The following ZBTB20 variants were observed in gnomAD, a reference collection of about 807,000 sequenced individuals.
ZBTB20 encodes the protein zinc finger and BTB domain-containing protein 20.
In ZBTB20, 9 loss-of-function variants were observed where a neutral mutation model predicts 56.9. The observed-to-expected ratio is 0.16, with a 90% CI of 0.10 to 0.28. The LOEUF is 0.28. Among genes scored for constraint, ZBTB20 ranks in the 10% least tolerant of loss-of-function variants. ZBTB20 has a pLI of 1.00. For missense variants in ZBTB20, 655 were observed against 1,003.0 expected (o/e 0.65, Z 4.69); for synonymous variants, 417 against 420.7 (o/e 0.99, Z 0.11).
chr3:114,909,677 G>A (rs1010542315), intron 3 of ZBTB20, among the ~76,000 whole-genome samples: 10 of 151,788 alleles, frequency 6.6e-5, no homozygotes, highest in South Asian at 2.1e-4. Context: ...TACCATCTAC[G>A]TTTATCTAAG....
At chr3:114,937,848 A>C (rs2076595229) in intron 3 of ZBTB20, among the ~76,000 whole-genome samples, 1 of 152,114 alleles carries the variant, frequency 6.6e-6, no homozygotes, top group African/African-American at 2.4e-5. Context: ...CTGTAATCCC[A>C]GAACTTTGGG....
intron 5 of ZBTB20, among the ~76,000 whole-genome samples, chr3:114,782,210 A>G (rs1193501923): frequency 2.0e-5 from 3 of 152,184 alleles, no homozygotes; most frequent in African/African-American, 7.2e-5. Flanking sequence ...TTGTTTACAT[A>G]TACTTTTTTT....
At chr3:114,853,692 T>G (rs2075114178) in intron 4 of ZBTB20, among the ~76,000 whole-genome samples, 1 of 152,204 alleles carries the variant, frequency 6.6e-6, no homozygotes, top group African/African-American at 2.4e-5. Flanking sequence ...ATAGGAGATT[T>G]TAAAAATCTA....
rs373063950 is a variant in ZBTB20, at chr3:114,503,014, A to C, written c.-294-2623T>G. The stretch of plus-strand genomic sequence containing the variant: ...AGTGTTTATGTTCTTATATCTAAAC[A>C]CATAACTTTCTTTTCTAAATTTCAA... On this transcript the variant is annotated intron_variant, in intron 6 of 11. Coordinates refer to ENST00000675478, the MANE Select transcript of ZBTB20 (RefSeq NM_001348800.3). 7.2e-5 allele frequency: 11 copies of C among 152,328 alleles called. 1 individual carries two copies. The South Asian group carries it at 2.3e-3, about 32-fold the overall frequency. The allele number at this position is 152,328 out of a possible 1,614,324, so 9.4% of individuals were successfully genotyped here. A position where few individuals can be genotyped will look rare whatever the true frequency, so the allele number is the denominator to read the frequency against.
chr3:114,641,456 T>C (rs2059554780), intron 6 of ZBTB20, among the ~76,000 whole-genome samples: 1 of 151,864 alleles, frequency 6.6e-6, no homozygotes, highest in South Asian at 2.1e-4. Flanking sequence ...ATTTTTCTTA[T>C]ATAGATATAA....
chr3:115,006,496 G>GTAAA (rs1560484657), intron 2 of ZBTB20, among the ~76,000 whole-genome samples: 1 of 150,194 alleles, frequency 6.7e-6, no homozygotes, highest in African/African-American at 2.5e-5. Context: ...TTTGTCCTTA[G>GTAAA]TAAAGCTTGA....
intron 6 of ZBTB20, among the ~76,000 whole-genome samples, chr3:114,653,572 C>T (rs1267986694): frequency 6.6e-6 from 1 of 151,818 alleles, no homozygotes; most frequent in Non-Finnish European, 1.5e-5. Flanking sequence ...GGAATATTGG[C>T]CTATACTTTT....
chr3:114,744,186 C>T (rs956047479), intron 5 of ZBTB20, among the ~76,000 whole-genome samples: 9 of 152,186 alleles, frequency 5.9e-5, no homozygotes, highest in African/African-American at 1.9e-4. Context: ...TTCTATACTT[C>T]TGGGCTAAAG....
chr3:114,701,500 T>C (rs1180856931), intron 5 of ZBTB20, among the ~76,000 whole-genome samples: 2 of 152,210 alleles, frequency 1.3e-5, no homozygotes, highest in South Asian at 2.1e-4. Context: ...TGGTATTTAC[T>C]GAGTACATAC....
At chr3:115,026,379 C>G (rs2080425273) in intron 2 of ZBTB20, among the ~76,000 whole-genome samples, 1 of 150,938 alleles carries the variant, frequency 6.6e-6, no homozygotes, top group Non-Finnish European at 1.5e-5. Context: ...ATGCTGGACC[C>G]CATCTCACCA....
At chr3:114,630,151 A>C (rs533885661) in intron 6 of ZBTB20, among the ~76,000 whole-genome samples, 1 of 152,252 alleles carries the variant, frequency 6.6e-6, no homozygotes, top group South Asian at 2.1e-4. Flanking sequence ...AAAAATAAAA[A>C]AGAATAGAAG....
At chr3:115,056,533 T>C (rs754353760) in intron 2 of ZBTB20, among the ~76,000 whole-genome samples, 1 of 152,148 alleles carries the variant, frequency 6.6e-6, no homozygotes, top group Non-Finnish European at 1.5e-5. Flanking sequence ...GCATCTTTCA[T>C]ATTTTTGCAT....
At chr3:114,438,178 G>C (rs2090647865) in intron 7 of ZBTB20, among the ~76,000 whole-genome samples, 1 of 152,096 alleles carries the variant, frequency 6.6e-6, no homozygotes, top group Non-Finnish European at 1.5e-5. Context: ...TGGCATTGGT[G>C]GGGGTCTGAG....
chr3:114,978,615 T>C (rs1382374157), intron 2 of ZBTB20, among the ~76,000 whole-genome samples: 6 of 151,756 alleles, frequency 4.0e-5, no homozygotes, highest in African/African-American at 1.4e-4. Flanking sequence ...AAATACAGAC[T>C]ATGCACAACT....
intron 3 of ZBTB20, among the ~76,000 whole-genome samples, chr3:114,960,643 T>C (rs147396927): frequency 7.2e-5 from 11 of 152,328 alleles, no homozygotes; most frequent in African/African-American, 2.6e-4. Context: ...GCCTTTAAAA[T>C]ATGGTCCCTA....
intron 2 of ZBTB20, among the ~76,000 whole-genome samples, chr3:115,045,992 T>C (rs532687964): frequency 3.3e-5 from 5 of 152,196 alleles, no homozygotes; most frequent in Non-Finnish European, 7.4e-5. Context: ...GGCTCAATGA[T>C]AAATTGTGTG....
Position 114,393,120 on chromosome 3 carries a change from T to G in ZBTB20, c.-254-4015A>C, listed in dbSNP as rs549628887. Among the ~76,000 whole-genome samples the G allele has an allele frequency of 1.3e-4, 20 of 152,330 alleles. 1 individual carries two copies. In the South Asian group the frequency reaches 3.9e-3, roughly 30 times the overall value. On this transcript the variant is annotated intron_variant, in intron 7 of 11. Coordinates refer to ENST00000675478, the MANE Select transcript of ZBTB20 (RefSeq NM_001348800.3). The stretch of plus-strand genomic sequence containing the variant: ...CCATGCTACGCATTGAGACATCCAT[T>G]AAATAGCATCACCCCAGCAGCCACA...
At chr3:115,118,095 G>T (rs62267521) in intron 1 of ZBTB20, among the ~76,000 whole-genome samples, 2,711 of 152,282 alleles carry the variant, frequency 0.018, 31 homozygotes, top group Non-Finnish European at 0.023. Flanking sequence ...CATATATAAA[G>T]TGTTTAACCC....
rs548718137 is a variant in ZBTB20, at chr3:114,464,974, C to T, written c.-255+35378G>A. Reference sequence around the variant, plus strand: ...AGATGTTCTCAAGACTTTTTTTCCCCTTCGTTTTTCCTTCTCCCCCAACCC... The same window carrying T: ...AGATGTTCTCAAGACTTTTTTTCCCTTTCGTTTTTCCTTCTCCCCCAACCC... On this transcript the variant is annotated intron_variant, in intron 7 of 11. Coordinates refer to ENST00000675478, the MANE Select transcript of ZBTB20 (RefSeq NM_001348800.3). Among the ~76,000 whole-genome samples, 92 of 151,480 alleles carry T rather than the reference C, an allele frequency of 6.1e-4. 6 individuals are homozygous for T. Among genetic ancestry groups the T allele is most frequent in the African/African-American group, 1.2e-4 (5 of 41,348 alleles).
Sources: gnomAD v4.1 joint callset for allele counts (sites outside exome capture counted in the v4.1 genomes callset) on GRCh38, gnomAD v4.1.1 for gene constraint, MANE v1.5 for transcripts, NCBI Gene and HGNC (gene_info 2026-07-23, HGNC 2026-07-21) for gene names.